The following NTM variants were observed in gnomAD, a reference collection of about 807,000 sequenced individuals.
The protein encoded by NTM is neurotrimin, also known as IgLON family member 2.
Under a neutral mutation model 42.1 loss-of-function variants are expected in NTM, and 13 were observed. The ratio of observed to expected loss-of-function variants is 0.31; its 90% CI spans 0.20 to 0.49. NTM has a LOEUF of 0.49. Ranked by LOEUF, NTM falls within the 20% of genes least tolerant of loss-of-function variation. NTM has a pLI of 0.99. For missense variants in NTM, 373 were observed against 452.8 expected (o/e 0.82, Z 1.60); for synonymous variants, 187 against 179.2 (o/e 1.04, Z -0.35).
chr11:131,385,344 C>T (rs1431465922), intron 1 of NTM: 13 of 152,120 alleles, frequency 8.5e-5, no homozygotes, highest in Admixed American at 3.9e-4. Context: ...GGCAATTCTA[C>T]CATAAAACCA....
intron 1 of NTM, among the ~76,000 whole-genome samples, chr11:131,899,733 A>G (rs1298394995): frequency 6.6e-6 from 1 of 152,124 alleles, no homozygotes; most frequent in Non-Finnish European, 1.5e-5. Flanking sequence ...TTTTATTCAG[A>G]CATACTTGTT....
intron 1 of NTM, among the ~76,000 whole-genome samples, chr11:131,498,882 G>A (rs318978): frequency 0.32 from 47,994 of 152,078 alleles, 7,819 homozygotes; most frequent in African/African-American, 0.37. Context: ...CATGCCACGG[G>A]GACTTCTGCC....
At chr11:132,278,783 CTT>C (rs1491278143) in intron 4 of NTM, among the ~76,000 whole-genome samples, 1 of 143,788 alleles carries the variant, frequency 7.0e-6, no homozygotes, top group Non-Finnish European at 1.5e-5. Context: ...CTCTCTCTCT[CTT>C]TACTGCTTAA....
chr11:131,789,469 GAAGAAGAAGAAGAAGAAGAAGAGGA>G (rs2089974707), intron 1 of NTM, among the ~76,000 whole-genome samples: 1 of 13,074 alleles, frequency 7.6e-5, no homozygotes, highest in African/African-American at 2.9e-4. Context: ...AGAAGAAGAA[GAAGAAGAAGAAGAAGAAGAAGAGGA>G]AAGAAGAAGA....
At chr11:132,217,816 G>C (rs3133892) in intron 4 of NTM, among the ~76,000 whole-genome samples, 35,049 of 147,552 alleles carry the variant, frequency 0.24, 5,100 homozygotes, top group Middle Eastern at 0.38. Flanking sequence ...AGTGACACCC[G>C]GATAAGAGTT....
At chr11:132,175,385 A>C (rs1015394763) in intron 3 of NTM, among the ~76,000 whole-genome samples, 5 of 152,168 alleles carry the variant, frequency 3.3e-5, no homozygotes, top group African/African-American at 9.7e-5. Context: ...CATAAGCATT[A>C]GCACCCCAAA....
At chr11:131,561,987 T>C (rs2056292622) in intron 1 of NTM, among the ~76,000 whole-genome samples, 1 of 152,234 alleles carries the variant, frequency 6.6e-6, no homozygotes, top group East Asian at 1.9e-4. Flanking sequence ...AGCCACTCTC[T>C]GTGATTTTAT....
intron 2 of NTM, among the ~76,000 whole-genome samples, chr11:132,014,260 G>A (rs939602329): frequency 5.9e-5 from 9 of 151,942 alleles, no homozygotes; most frequent in Non-Finnish European, 2.9e-5. Context: ...TCTATTTTGT[G>A]TAGATGCCAC....
chr11:131,457,035 GTAACATA>G (rs1465564901), intron 1 of NTM, among the ~76,000 whole-genome samples: 5 of 152,136 alleles, frequency 3.3e-5, no homozygotes, highest in African/African-American at 1.2e-4. Flanking sequence ...AAATGGACTT[GTAACATA>G]TTACAAATCA....
At chr11:131,856,538 T>C (rs1366598006) in intron 1 of NTM, among the ~76,000 whole-genome samples, 1 of 152,180 alleles carries the variant, frequency 6.6e-6, no homozygotes, top group African/African-American at 2.4e-5. Context: ...ATTTATTGAG[T>C]TATTATGACC....
At chr11:131,712,092 C>T (rs2077217243) in intron 1 of NTM, among the ~76,000 whole-genome samples, 2 of 148,678 alleles carry the variant, frequency 1.3e-5, no homozygotes, top group Non-Finnish European at 3.0e-5. Flanking sequence ...TGTAACTAAC[C>T]TGCACATTGT....
chr11:132,247,717 G>T (rs1000621726), intron 4 of NTM, among the ~76,000 whole-genome samples: 1 of 152,048 alleles, frequency 6.6e-6, no homozygotes, highest in Non-Finnish European at 1.5e-5. Flanking sequence ...GGATCTAGGA[G>T]ACCACCCTCT....
chr11:131,480,409 C>T (rs988621377), intron 1 of NTM, among the ~76,000 whole-genome samples: 18 of 152,092 alleles, frequency 1.2e-4, no homozygotes, highest in African/African-American at 3.4e-4. Context: ...GCATTTTCAC[C>T]AAATGAAGAC....
chr11:131,891,812 T>G (rs569160738), intron 1 of NTM, among the ~76,000 whole-genome samples: 4 of 152,368 alleles, frequency 2.6e-5, no homozygotes, highest in African/African-American at 9.6e-5. Flanking sequence ...TCTCTCTCTT[T>G]TACATGTCCC....
chr11:131,565,090 T>C (rs1184121072), intron 1 of NTM, among the ~76,000 whole-genome samples: 1 of 152,302 alleles, frequency 6.6e-6, no homozygotes, highest in East Asian at 1.9e-4. Context: ...AGAACAGCAC[T>C]TCTGAGGGAG....
chr11:131,569,574 CTTTTTTT>C (rs371565373), intron 1 of NTM, among the ~76,000 whole-genome samples: 3 of 130,880 alleles, frequency 2.3e-5, no homozygotes, highest in African/African-American at 5.9e-5. Flanking sequence ...TTTCTTCTCT[CTTTTTTT>C]TTTTTTTTTT....
At chr11:131,373,829 T>A (rs940603480) in intron 1 of NTM, among the ~76,000 whole-genome samples, 3 of 152,024 alleles carry the variant, frequency 2.0e-5, no homozygotes, top group Non-Finnish European at 2.9e-5. Flanking sequence ...TCTCCTCACA[T>A]CCCGCATCCG....
intron 4 of NTM, among the ~76,000 whole-genome samples, chr11:132,252,906 A>C (rs536739683): frequency 4.6e-5 from 7 of 152,258 alleles, no homozygotes; most frequent in Non-Finnish European, 8.8e-5. Flanking sequence ...AAGAACTTAA[A>C]GATTCTAAAA....
chr11:132,015,301 A>G (rs1379612775), intron 2 of NTM, among the ~76,000 whole-genome samples: 1 of 151,890 alleles, frequency 6.6e-6, no homozygotes, highest in African/African-American at 2.4e-5. Flanking sequence ...ATAGCCTTTT[A>G]ATATATTTTG....
Sources: allele counts gnomAD v4.1 joint callset (sites outside exome capture counted in the v4.1 genomes callset), GRCh38; gene constraint gnomAD v4.1.1; transcripts MANE v1.5; gene names NCBI Gene and HGNC (gene_info 2026-07-23, HGNC 2026-07-21).